ADAMTSL3: variants seen among roughly 807,000 people sequenced by gnomAD.
ADAMTSL3 encodes the protein ADAMTS-like protein 3.
ADAMTSL3 carries 128 observed loss-of-function variants against 201.7 expected under a neutral mutation model. The ratio of observed to expected loss-of-function variants is 0.63; its 90% CI spans 0.55 to 0.73. ADAMTSL3 has a LOEUF of 0.73. ADAMTSL3 is among the 30% of genes least tolerant of loss of function. ADAMTSL3 has a pLI of 0.00. For synonymous variants in ADAMTSL3, 738 were observed against 748.4 expected (o/e 0.99, Z 0.23); for missense variants, 1,990 against 2,119.6 (o/e 0.94, Z 1.20).
At chr15:83,936,281 G>T (rs1294343405) in intron 17 of ADAMTSL3, among the ~76,000 whole-genome samples, 1 of 150,698 alleles carries the variant, frequency 6.6e-6, no homozygotes, top group Non-Finnish European at 1.5e-5. Flanking sequence ...TGTTAAATAG[G>T]GCCTTTAAAA....
At chr15:83,949,159 A>G (rs559795682) in intron 19 of ADAMTSL3, among the ~76,000 whole-genome samples, 93 of 146,428 alleles carry the variant, frequency 6.4e-4, no homozygotes, top group Middle Eastern at 6.8e-3. Flanking sequence ...TCCCTGCCCA[A>G]CTACCCTACC....
rs1338870486 is a variant in ADAMTSL3, at chr15:83,982,304, T to C, written c.2676T>C (p.Gly892=). The C allele has an allele frequency of 6.2e-7, 1 of 1,606,150 alleles. No individual in the cohort carries two copies. Among genetic ancestry groups the C allele is most frequent in the East Asian group, 2.2e-5 (1 of 44,680 alleles). ...AATCAGAGATGAAGACAAAACTTGGTGAGCAGGGTCCGCAGATCCTCAGTG... is the reference window on the plus strand; with the variant it reads ...AATCAGAGATGAAGACAAAACTTGGCGAGCAGGGTCCGCAGATCCTCAGTG... The part of the protein sequence containing the change: ...KIKSEMKTKL[G]EQGPQILSVQ... Residue 892 remains glycine, a synonymous_variant, in exon 21 of 30, where the codon GGT becomes GGC. Coordinates refer to ENST00000286744, the MANE Select transcript of ADAMTSL3 (RefSeq NM_207517.3).
chr15:83,837,972 T>G, intron 6 of ADAMTSL3, 117 bp from the exon 7 acceptor site: 1 of 1,302,852 alleles, frequency 7.7e-7, no homozygotes, highest in Admixed American at 2.7e-5. Flanking sequence ...TATGTTCTCA[T>G]AAAAGAGAGC....
At chr15:83,735,146 C>T (rs1313256241) in intron 3 of ADAMTSL3, among the ~76,000 whole-genome samples, 1 of 151,820 alleles carries the variant, frequency 6.6e-6, no homozygotes, top group Non-Finnish European at 1.5e-5. Context: ...GAAAATTTAA[C>T]CAGAAATAAA....
At chr15:83,949,568 T>C (rs2066720946) in intron 19 of ADAMTSL3, among the ~76,000 whole-genome samples, 1 of 152,180 alleles carries the variant, frequency 6.6e-6, no homozygotes, top group South Asian at 2.1e-4. Flanking sequence ...TATTTTTAGT[T>C]TTTTGAGGAA....
chr15:83,975,064 C>T (rs1054327843), intron 20 of ADAMTSL3, among the ~76,000 whole-genome samples: 99 of 145,704 alleles, frequency 6.8e-4, no homozygotes, highest in East Asian at 2.1e-4. Flanking sequence ...TGCAGTGGCG[C>T]GATCTCAGCT....
intron 23 of ADAMTSL3, among the ~76,000 whole-genome samples, chr15:83,998,303 G>C (rs2067725900): frequency 6.6e-6 from 1 of 152,106 alleles, no homozygotes; most frequent in Non-Finnish European, 1.5e-5. Flanking sequence ...ACAAAAATTA[G>C]CTGGGCATAG....
At chr15:83,891,199 A>G in intron 11 of ADAMTSL3, 130 bp from the exon 12 acceptor site, 1 of 732,514 alleles carries the variant, frequency 1.4e-6, no homozygotes, top group Non-Finnish European at 2.2e-6. Context: ...AATGGTTGAT[A>G]ACACTTGATA....
intron 4 of ADAMTSL3, among the ~76,000 whole-genome samples, chr15:83,787,894 T>C (rs2063289654): frequency 6.6e-6 from 1 of 152,100 alleles, no homozygotes; most frequent in African/African-American, 2.4e-5. Context: ...CAGAGTTTTA[T>C]ATAACTTTGA....
intron 4 of ADAMTSL3, among the ~76,000 whole-genome samples, chr15:83,775,397 A>G (rs2063055524): frequency 6.6e-6 from 1 of 151,804 alleles, no homozygotes; most frequent in Non-Finnish European, 1.5e-5. Flanking sequence ...TTAGAGGAAT[A>G]TATTAAGGAC....
At chr15:83,796,240 C>G (rs926557271) in intron 4 of ADAMTSL3, among the ~76,000 whole-genome samples, 3 of 152,124 alleles carry the variant, frequency 2.0e-5, no homozygotes, top group African/African-American at 7.2e-5. Context: ...AAGGATAACT[C>G]TCATTATTCA....
At chr15:83,731,919 G>T (rs2062282179) in intron 3 of ADAMTSL3, among the ~76,000 whole-genome samples, 1 of 151,940 alleles carries the variant, frequency 6.6e-6, no homozygotes, top group African/African-American at 2.4e-5. Flanking sequence ...ATGGTTACCA[G>T]GGCCTGGAAT....
chr15:83,924,037 T>C lies in ADAMTSL3; in HGVS notation c.2117+4T>C. 1 of 1,613,962 alleles carries C rather than the reference T, an allele frequency of 6.2e-7. No individual in the cohort carries two copies. The highest frequency in any genetic ancestry group is 8.5e-7 in the Non-Finnish European group (1 of 1,179,926). On this transcript the variant is annotated splice_donor_region_variant and intron_variant, in intron 17 of 29. Coordinates refer to ENST00000286744, the MANE Select transcript of ADAMTSL3 (RefSeq NM_207517.3). The stretch of plus-strand genomic sequence containing the variant: ...ACACAGAGCCCTGTCCCCCCAGGTA[T>C]GTGCTGTCTTGTGTTCCTGGTATAT...
rs913274194 is a variant in ADAMTSL3 at position 83,957,231 on chromosome 15, T to C, written c.2491-13253T>C. On this transcript the variant is annotated intron_variant, in intron 19 of 29. Transcript: ENST00000286744. ...ACAGATTTGGGAGAGTTTATCAGTC[T>C]TGTGTGGCTTGAGAACAGGATGCAC... 5.3e-5 allele frequency among the ~76,000 whole-genome samples: 8 copies of C among 152,094 alleles called. No individual in the cohort carries two copies. In the East Asian group the frequency reaches 1.4e-3, roughly 26 times the overall value.
intron 13 of ADAMTSL3, among the ~76,000 whole-genome samples, chr15:83,894,064 G>A (rs17158541): frequency 0.021 from 3,250 of 152,210 alleles, 126 homozygotes; most frequent in African/African-American, 0.072. Context: ...TGCAAACAAA[G>A]TTGTGTTACA....
intron 9 of ADAMTSL3, among the ~76,000 whole-genome samples, chr15:83,878,503 A>G (rs1448300081): frequency 2.0e-5 from 3 of 152,126 alleles, no homozygotes; most frequent in Admixed American, 6.5e-5. Context: ...AGTCCCAGCT[A>G]CTTGGGAGGC....
chr15:83,704,381 T>G lies in ADAMTSL3; in HGVS notation c.70-8T>G, dbSNP rs532480198. ...CCTTATTTGTGACCAAATGATCTTG[T>G]TTTTCAGACCACAGCTGAGAAATCT... is the stretch of plus-strand genomic sequence containing the variant. On this transcript the variant is annotated splice_polypyrimidine_tract_variant and splice_region_variant and intron_variant, in intron 2 of 29. Coordinates refer to ENST00000286744, the MANE Select transcript of ADAMTSL3 (RefSeq NM_207517.3). 3.1e-6 allele frequency: 5 copies of G among 1,614,142 alleles called. No individual in the cohort carries two copies. In the African/African-American group the frequency reaches 4.0e-5, roughly 13 times the overall value.
chr15:83,740,358 G>C (rs2062435065), intron 3 of ADAMTSL3, among the ~76,000 whole-genome samples: 1 of 152,110 alleles, frequency 6.6e-6, no homozygotes, highest in African/African-American at 2.4e-5. Context: ...CCACCAAAAA[G>C]TACTCAAATC....
At chr15:83,802,616 A>T (rs1300335777) in intron 4 of ADAMTSL3, among the ~76,000 whole-genome samples, 2 of 152,220 alleles carry the variant, frequency 1.3e-5, no homozygotes, top group East Asian at 3.8e-4. Flanking sequence ...ATATGCTGGG[A>T]TTCCATTTAT....
Sources: gnomAD v4.1 joint callset for allele counts (sites outside exome capture counted in the v4.1 genomes callset) on GRCh38, gnomAD v4.1.1 for gene constraint, MANE v1.5 for transcripts, NCBI Gene and HGNC (gene_info 2026-07-23, HGNC 2026-07-21) for gene names.